Variants in CPAP observed in about 807,000 individuals in gnomAD.
The protein encoded by CPAP is centrosome assembly and centriole elongation protein, also known as centrosomal P4.1-associated protein.
chr13:24,903,777 G>GT, the CPAP span: 2 of 892,590 alleles, frequency 2.2e-6, no homozygotes, highest in Non-Finnish European at 1.8e-6. Context: ...ATTTTATTCA[G>GT]TAAAAAAAAC....
At chr13:24,913,788 A>G in the CPAP span, among the ~76,000 whole-genome samples, 9 of 152,394 alleles carry the variant, frequency 5.9e-5, no homozygotes, top group African/African-American at 1.9e-4. Flanking sequence ...TTATGGCATA[A>G]GCCAATGAAA....
chr13:24,912,807 TG>T, the CPAP span: 1 of 1,614,104 alleles, frequency 6.2e-7, no homozygotes, highest in South Asian at 1.1e-5. Flanking sequence ...CTTCAAGAAG[TG>T]AATCTTCTTC....
chr13:24,912,413 G>A, the CPAP span, among the ~76,000 whole-genome samples: 1 of 152,144 alleles, frequency 6.6e-6, no homozygotes, highest in Non-Finnish European at 1.5e-5. Context: ...TATTATAAGT[G>A]CTAATTAAAC....
At chr13:24,930,970 C>T in the CPAP span, among the ~76,000 whole-genome samples, 145 of 152,308 alleles carry the variant, frequency 9.5e-4, no homozygotes, top group East Asian at 0.025. Context: ...CCCTTGCCAG[C>T]ATATGTTGTT....
chr13:24,906,901 T>A, the CPAP span: 13 of 1,613,982 alleles, frequency 8.1e-6, no homozygotes, highest in Non-Finnish European at 1.1e-5. Flanking sequence ...CTAAACCTTC[T>A]CCTCGTTTTA....
At chr13:24,910,519 C>T in the CPAP span, among the ~76,000 whole-genome samples, 1 of 152,248 alleles carries the variant, frequency 6.6e-6, no homozygotes, top group Non-Finnish European at 1.5e-5. Context: ...GCCACTATGT[C>T]TAGCCTGTTT....
At chr13:24,897,746 G>A in the CPAP span, among the ~76,000 whole-genome samples, 1 of 152,254 alleles carries the variant, frequency 6.6e-6, no homozygotes, top group East Asian at 1.9e-4. Context: ...ATATGAGATT[G>A]ATAACACTGG....
the CPAP span, among the ~76,000 whole-genome samples, chr13:24,900,400 C>G: frequency 6.6e-6 from 1 of 152,102 alleles, no homozygotes. Flanking sequence ...TTTGGGAGGC[C>G]GAGGCGGGCA....
chr13:24,891,627 C>A, the CPAP span, among the ~76,000 whole-genome samples: 3 of 152,260 alleles, frequency 2.0e-5, no homozygotes, highest in African/African-American at 7.2e-5. Flanking sequence ...CACTGCCACC[C>A]AGTCCCCCCA....
the CPAP span, among the ~76,000 whole-genome samples, chr13:24,894,710 G>C: frequency 6.6e-6 from 1 of 152,270 alleles, no homozygotes; most frequent in Non-Finnish European, 1.5e-5. Flanking sequence ...GCGCGGAGGA[G>C]ACAGAAGGCG....
chr13:24,916,086 T>C, the CPAP span, among the ~76,000 whole-genome samples: 4 of 152,156 alleles, frequency 2.6e-5, no homozygotes, highest in Admixed American at 2.6e-4. Flanking sequence ...CCAGGAGTTC[T>C]GTTATAAAGG....
chr13:24,901,971 A>AT, the CPAP span, among the ~76,000 whole-genome samples: 2 of 152,226 alleles, frequency 1.3e-5, no homozygotes, highest in African/African-American at 4.8e-5. Context: ...AGTCTGGGTG[A>AT]TAAAGCCAGA....
chr13:24,917,845 G>C, the CPAP span, among the ~76,000 whole-genome samples: 6 of 152,150 alleles, frequency 3.9e-5, no homozygotes, highest in Admixed American at 2.6e-4. Flanking sequence ...GAGTAGAAAG[G>C]CAAAACAGCC....
At chr13:24,883,385 A>AAAAT in the CPAP span, 4 of 1,563,290 alleles carry the variant, frequency 2.6e-6, no homozygotes, top group South Asian at 4.9e-5. Flanking sequence ...AAATTTAAAA[A>AAAAT]AAATATGATT....
chr13:24,924,502 C>A, the CPAP span, among the ~76,000 whole-genome samples: 1 of 152,282 alleles, frequency 6.6e-6, no homozygotes, highest in East Asian at 1.9e-4. Flanking sequence ...CCATGTAATT[C>A]TCAAAACTGC....
the CPAP span, among the ~76,000 whole-genome samples, chr13:24,932,454 T>C: frequency 2.0e-5 from 3 of 152,204 alleles, no homozygotes; most frequent in Non-Finnish European, 2.9e-5. Flanking sequence ...CCAGCCTGGG[T>C]GTCAGAGTGA....
the CPAP span, among the ~76,000 whole-genome samples, chr13:24,895,450 T>C: frequency 6.6e-5 from 10 of 151,254 alleles, no homozygotes; most frequent in African/African-American, 1.5e-4. Context: ...TGGTGGCGGG[T>C]GCCTGTAGTC....
the CPAP span, among the ~76,000 whole-genome samples, chr13:24,919,409 T>C: frequency 1.3e-5 from 2 of 152,146 alleles, no homozygotes; most frequent in Admixed American, 6.5e-5. Context: ...ACCTGTGACA[T>C]GGATATTTTT....
chr13:24,891,030 A>C, the CPAP span, among the ~76,000 whole-genome samples: 2 of 151,698 alleles, frequency 1.3e-5, no homozygotes, highest in Non-Finnish European at 2.9e-5. Flanking sequence ...AAAACTATTA[A>C]ACAAAGCTGT....
Sources: gnomAD v4.1 joint callset for allele counts (sites outside exome capture counted in the v4.1 genomes callset) on GRCh38, gnomAD v4.1.1 for gene constraint, MANE v1.5 for transcripts, NCBI Gene and HGNC (gene_info 2026-07-23, HGNC 2026-07-21) for gene names.